Variants in YBX1 observed in about 807,000 individuals in gnomAD.
The protein encoded by YBX1 is Y-box-binding protein 1.
A neutral mutation model predicts 41.4 loss-of-function variants in YBX1; 3 were observed. That is an observed-to-expected ratio of 0.07 (90% CI 0.03 to 0.19). YBX1 has a LOEUF of 0.19. YBX1 is among the 10% of genes least tolerant of loss of function. The pLI is 1.00. For synonymous variants in YBX1, 133 were observed against 165.8 expected, an observed-to-expected ratio of 0.80 and a Z score of 1.52; for missense variants, 274 against 462.8, an observed-to-expected ratio of 0.59 and a Z score of 3.74.
At position 42,696,270 on chromosome 1, in the gene YBX1, T is replaced by C; in HGVS notation, c.336T>C (p.Asp112=). 11 of 1,613,342 alleles carry C rather than the reference T, an allele frequency of 6.8e-6. No individual in the cohort carries two copies. The highest frequency in any genetic ancestry group is 9.3e-6 in the Non-Finnish European group (11 of 1,179,582). The change falls in exon 4 of 8, where the codon GAT becomes GAC. Residue 112 remains aspartate, a synonymous_variant. Transcript: ENST00000321358. This position sits in a 1 kb window ranked among gnomAD's most constrained non-coding sequence, Gnocchi z 5.7. ...GAGATGGAGAGACTGTGGAGTTTGA[T>C]GTTGTTGAAGGAGAAAAGGTGAGGA... ...SVGDGETVEF[D]VVEGEKGAEA...
Position 42,696,522 on chromosome 1 carries a change from C to CCCTT in YBX1, c.355-120_355-119insCCTT. On this transcript the variant is annotated intron_variant, in intron 4 of 7. Transcript: ENST00000321358. This position sits in a 1 kb window ranked among gnomAD's most constrained non-coding sequence, Gnocchi z 5.7. ...GGTCACGCAGTTGCGCCCCCCCCCC[C>CCCTT]TTTTTTTTCCTTAACTTTGTTGTTT... The CCCTT allele has an allele frequency of 1.6e-6, 1 of 637,566 alleles. No individual in the cohort carries two copies. The allele number at this position is 637,566 out of a possible 1,614,324, so 39.5% of individuals were successfully genotyped here.
chr1:42,690,326 A>C (rs992951111), intron 2 of YBX1, among the ~76,000 whole-genome samples: 1 of 151,846 alleles, frequency 6.6e-6, no homozygotes, highest in Non-Finnish European at 1.5e-5. Flanking sequence ...ACCATATTTA[A>C]GTTTTCCATT....
rs762981939 is a variant in YBX1, at chr1:42,693,554, G to A, written c.264+31G>A. ...TGCTTGTGTAGATATTTGCACTTCT[G>A]ATTCAAGGATTGTAAGAAGAAAAGG... On this transcript the variant is annotated intron_variant, in intron 3 of 7. Coordinates refer to ENST00000321358, the MANE Select transcript of YBX1 (RefSeq NM_004559.5). 8.7e-6 allele frequency: 14 copies of A among 1,609,614 alleles called. No homozygotes were observed. The African/African-American group carries it at 1.6e-4, about 18-fold the overall frequency.
chr1:42,697,457 AATG>A (rs1403554839), intron 6 of YBX1, among the ~76,000 whole-genome samples, 195 bp downstream of exon 6: 2 of 152,200 alleles, frequency 1.3e-5, no homozygotes, highest in Non-Finnish European at 2.9e-5. Context: ...TTTTTTAGAA[AATG>A]ATGAGGGTTT....
chr1:42,696,518 C>T lies in YBX1; in HGVS notation c.355-124C>T, dbSNP rs559058646. 12 of 717,220 alleles carry T rather than the reference C, an allele frequency of 1.7e-5. 2 individuals are homozygous for T. In the East Asian group the frequency reaches 3.5e-4, roughly 21 times the overall value. The allele number at this position is 717,220 out of a possible 1,614,324, so 44.4% of individuals were successfully genotyped here. ...CCCTGGTCACGCAGTTGCGCCCCCC[C>T]CCCCTTTTTTTTCCTTAACTTTGTT... On this transcript the variant is annotated intron_variant, in intron 4 of 7. Coordinates refer to ENST00000321358, the MANE Select transcript of YBX1 (RefSeq NM_004559.5). The surrounding 1 kb of genome is among the most constrained non-coding windows in gnomAD (Gnocchi z 5.7).
rs762759259 is a variant in YBX1 at position 42,683,206 on chromosome 1, G to A, written c.167-197G>A. On this transcript the variant is annotated intron_variant, in intron 1 of 7. Transcript: ENST00000321358. Reference sequence around the variant, plus strand: ...GGGCCCGCGCCCCGGGCCTGCCCTGGAGCGCCCCGCGCTTCAGACTCACCC... The same window carrying A: ...GGGCCCGCGCCCCGGGCCTGCCCTGAAGCGCCCCGCGCTTCAGACTCACCC... 8.5e-6 allele frequency: 6 copies of A among 707,420 alleles called. No individual in the cohort carries two copies. The South Asian group carries it at 9.3e-5, about 11-fold the overall frequency. The allele number at this position is 707,420 out of a possible 1,614,324, so 43.8% of individuals were successfully genotyped here.
Position 42,697,162 on chromosome 1 carries a change from T to A in YBX1, c.658-18T>A, listed in dbSNP as rs1226772730. ...ATATTACTGACCCAGTAGGCTTAAT[T>A]TCCATTGTCTTTTTCAGGGTGCTGA... On this transcript the variant is annotated intron_variant, in intron 5 of 7. Coordinates refer to ENST00000321358, the MANE Select transcript of YBX1 (RefSeq NM_004559.5). The A allele has an allele frequency of 6.2e-7, 1 of 1,609,006 alleles. No individual in the cohort carries two copies. The highest frequency in any genetic ancestry group is 8.5e-7 in the Non-Finnish European group (1 of 1,178,602).
intron 2 of YBX1, among the ~76,000 whole-genome samples, chr1:42,684,218 C>T (rs1244359768): frequency 1.3e-5 from 2 of 152,222 alleles, no homozygotes; most frequent in African/African-American, 4.8e-5. Flanking sequence ...GCTGCAGACA[C>T]GTCTTTAGGA....
At chr1:42,701,735 C>A (rs965989947) in intron 7 of YBX1, among the ~76,000 whole-genome samples, 2 of 152,070 alleles carry the variant, frequency 1.3e-5, no homozygotes, top group Admixed American at 6.6e-5. Context: ...ACCCTTAATT[C>A]CAAAATTAAG....
Position 42,696,875 on chromosome 1 carries a change from C to T in YBX1, c.588C>T (p.Tyr196=), listed in dbSNP as rs977969601. The change falls in exon 5 of 8, where the codon TAC becomes TAT. Residue 196 remains tyrosine, a synonymous_variant. Coordinates refer to ENST00000321358, the MANE Select transcript of YBX1 (RefSeq NM_004559.5). The surrounding 1 kb of genome is among the most constrained non-coding windows in gnomAD (Gnocchi z 5.7). The stretch of plus-strand genomic sequence containing the variant: ...ACCGCAGGCGAAGGTTCCCACCTTA[C>T]TACATGCGGAGACCCTATGGGCGTC... ...RPYRRRRFPP[Y]YMRRPYGRRP... is the part of the protein sequence containing the mutation. 6.2e-7 allele frequency: 1 copy of T among 1,600,680 alleles called. No homozygotes were observed. Among genetic ancestry groups the T allele is most frequent in the Admixed American group, 1.7e-5 (1 of 58,982 alleles).
intron 6 of YBX1, 23 bp downstream of exon 6, chr1:42,697,285 T>C: frequency 6.2e-7 from 1 of 1,607,522 alleles, no homozygotes; most frequent in East Asian, 2.2e-5. Flanking sequence ...TAAACATGTT[T>C]CTATTAAAAT....
intron 2 of YBX1, among the ~76,000 whole-genome samples, chr1:42,686,338 TTAC>T (rs1394656784): frequency 6.6e-6 from 1 of 151,566 alleles, no homozygotes; most frequent in African/African-American, 2.4e-5. Flanking sequence ...TTGGGATTAA[TTAC>T]TAACATTTAT....
At position 42,703,357 on chromosome 1, in the gene YBX1, GCAGA is replaced by G. The variant is rs1427547255; in HGVS notation, c.*1412_*1415del. ...GGCCAGCTATCAGGGCCCAGGGGAA[GCAGA>G]CAGTAGGGGTCGGGAGTAGGCCAGA... is the stretch of plus-strand genomic sequence containing the variant. On this transcript the variant is annotated 3_prime_UTR_variant, in exon 8 of 8. Coordinates refer to ENST00000321358, the MANE Select transcript of YBX1 (RefSeq NM_004559.5). Among the ~76,000 whole-genome samples the G allele has an allele frequency of 6.6e-6, 1 of 152,130 alleles. No homozygotes were observed. Among genetic ancestry groups the G allele is most frequent in the Non-Finnish European group, 1.5e-5 (1 of 68,044 alleles).
At chr1:42,683,244 G>T (rs755779464) in intron 1 of YBX1, 159 bp from the exon 2 acceptor site, 1 of 821,552 alleles carries the variant, frequency 1.2e-6, no homozygotes, top group Admixed American at 2.0e-5. Context: ...GTGTGCGGCG[G>T]CGGCGGCGAC....
At chr1:42,691,021 T>G (rs1650316250) in intron 2 of YBX1, among the ~76,000 whole-genome samples, 1 of 152,208 alleles carries the variant, frequency 6.6e-6, no homozygotes, top group African/African-American at 2.4e-5. Flanking sequence ...AAAGCTGCAC[T>G]GCAGCTGTCT....
chr1:42,687,338 G>A (rs1369074737), intron 2 of YBX1, among the ~76,000 whole-genome samples: 1 of 145,166 alleles, frequency 6.9e-6, no homozygotes, highest in Non-Finnish European at 1.5e-5. Flanking sequence ...AGGCTGGAGT[G>A]CAATGGCACG....
rs546862033 is a variant in YBX1 at position 42,698,398 on chromosome 1, A to G, written c.740+1136A>G. On this transcript the variant is annotated intron_variant, in intron 6 of 7. Transcript: ENST00000321358. ...TTGAAGATCTCTGATTCAGTTTTCT[A>G]CCAGGAGATTGTGTTAGCCAGATGC... is the stretch of plus-strand genomic sequence containing the variant. Among the ~76,000 whole-genome samples the G allele has an allele frequency of 3.9e-5, 6 of 152,342 alleles. No homozygotes were observed. In the East Asian group the frequency reaches 1.2e-3, roughly 29 times the overall value.
intron 1 of YBX1, chr1:42,683,050 G>T (rs766281529): frequency 9.2e-6 from 4 of 433,330 alleles, no homozygotes; most frequent in Non-Finnish European, 1.8e-5. Context: ...GCACGCCGTT[G>T]TTCGCGTCAC....
chr1:42,690,388 A>T (rs983348382), intron 2 of YBX1, among the ~76,000 whole-genome samples: 1 of 152,154 alleles, frequency 6.6e-6, no homozygotes, highest in African/African-American at 2.4e-5. Flanking sequence ...AATAATACAA[A>T]TGGAAAATAT....
Sources: gnomAD v4.1 joint callset for allele counts (sites outside exome capture counted in the v4.1 genomes callset) on GRCh38, gnomAD v4.1.1 for gene constraint, Gnocchi (gnomAD v3.1) non-coding constraint, MANE v1.5 for transcripts, NCBI Gene and HGNC (gene_info 2026-07-23, HGNC 2026-07-21) for gene names.